TATDN2: variants seen among roughly 807,000 people sequenced by gnomAD.
The protein encoded by TATDN2 is 3'-5' RNA nuclease TATDN2.
In TATDN2, 44 loss-of-function variants were observed where a neutral mutation model predicts 60.3. The observed-to-expected ratio is 0.73, with a 90% CI of 0.57 to 0.94. The LOEUF (loss-of-function observed/expected upper bound fraction) is 0.94, where lower values mean the gene tolerates loss of function less well. TATDN2 is among the 40% of genes least tolerant of loss of function. TATDN2 has a pLI of 0.00. For synonymous variants in TATDN2, 399 were observed against 355.8 expected (o/e 1.12, Z -1.37); for missense variants, 997 against 948.0 (o/e 1.05, Z -0.68).
Position 10,260,505 on chromosome 3 carries a change from T to G in TATDN2, c.783T>G (p.Asp261Glu), listed in dbSNP as rs749968523. The G allele has an allele frequency of 8.7e-6, 14 of 1,613,910 alleles. No homozygotes were observed. The highest frequency in any genetic ancestry group is 6.6e-5 in the South Asian group (6 of 91,064). The part of the protein sequence containing the change: ...DATPEVSMEE[D>E]KTVPERSSFY... ...CCCCAGAGGTCAGCATGGAGGAGGA[T>G]AAGACAGTGCCAGAGAGGAGCAGCT... is the stretch of plus-strand genomic sequence containing the variant. The change falls in exon 3 of 8, where the codon GAT (aspartate) becomes GAG (glutamate). Residue 261 changes from aspartate (D) to glutamate (E), a missense_variant. By Grantham distance (45) the Asp-to-Glu change is conservative (BLOSUM62 2). Transcript: ENST00000448281.
In TATDN2 at chr3:10,249,026, A is replaced by C; in HGVS notation, c.-48A>C. On this transcript the variant is annotated 5_prime_UTR_variant, in exon 1 of 8. Transcript: ENST00000448281. ...CTCCAACACGGTTTGGCATCTCTGAAACCTTGAGAACTGTGATGGGCAGTG... is the reference window on the plus strand; with the variant it reads ...CTCCAACACGGTTTGGCATCTCTGACACCTTGAGAACTGTGATGGGCAGTG... 1.7e-5 allele frequency: 12 copies of C among 686,006 alleles called. No individual in the cohort carries two copies. Among genetic ancestry groups the C allele is most frequent in the Non-Finnish European group, 2.5e-5 (12 of 477,828 alleles). 42.5% of individuals were successfully genotyped at this position (686,006 alleles called of 1,614,324 possible).
intron 1 of TATDN2, 54 bp from the exon 2 acceptor site, chr3:10,249,141 G>GGT: frequency 6.7e-7 from 1 of 1,483,024 alleles, no homozygotes; most frequent in South Asian, 1.4e-5. Context: ...GGGAATCTGA[G>GGT]GTGGGGTCGC....
At chr3:10,254,172 A>G (rs1403372498) in intron 2 of TATDN2, among the ~76,000 whole-genome samples, 1 of 152,182 alleles carries the variant, frequency 6.6e-6, no homozygotes, top group Non-Finnish European at 1.5e-5. Flanking sequence ...GTTGCCAAGG[A>G]CAATCGGGCC....
At chr3:10,266,782 C>T (rs1698481023) in intron 3 of TATDN2, among the ~76,000 whole-genome samples, 1 of 152,164 alleles carries the variant, frequency 6.6e-6, no homozygotes, top group Admixed American at 6.5e-5. Context: ...TTTGTTCAAT[C>T]CATCTTTAGC....
chr3:10,252,922 TCTCGG>T (rs1214181718), intron 2 of TATDN2, among the ~76,000 whole-genome samples: 1 of 145,210 alleles, frequency 6.9e-6, no homozygotes, highest in African/African-American at 2.6e-5. Context: ...AGTGGTGCAA[TCTCGG>T]CTCACTGCAA....
In TATDN2 at chr3:10,278,616, CA is replaced by C. The variant is rs1227892219; in HGVS notation, c.2145+158del. The C allele has an allele frequency of 8.8e-6, 10 of 1,132,188 alleles. No individual in the cohort carries two copies. Among genetic ancestry groups the C allele is most frequent in the Non-Finnish European group, 1.2e-5 (9 of 764,250 alleles). 70.1% of individuals were successfully genotyped at this position (1,132,188 alleles called of 1,614,324 possible). ...CCTCCTTGCTGTTACTCTGCAGAAC[CA>C]AAAGTCTAGGGGGCTGAGAAGCTGA... On this transcript the variant is annotated intron_variant, in intron 6 of 7. Coordinates refer to ENST00000448281, the MANE Select transcript of TATDN2 (RefSeq NM_014760.4). The surrounding 1 kb of genome is among the most constrained non-coding windows in gnomAD (Gnocchi z 4.7).
chr3:10,270,870 G>C lies in TATDN2; in HGVS notation c.1688G>C (p.Cys563Ser). The change falls in exon 4 of 8, where the codon TGT (cysteine) becomes TCT (serine). Residue 563 changes from cysteine (C) to serine (S), a missense_variant. Coordinates refer to ENST00000448281, the MANE Select transcript of TATDN2 (RefSeq NM_014760.4). Reference protein sequence around the residue: ...KEDLVWGAFGCHPHFARYYSE... With the variant: ...KEDLVWGAFGSHPHFARYYSE... ...GATCTGGTCTGGGGGGCCTTTGGCTGTCACCCTCATTTTGCACGTTACTAC... is the reference window on the plus strand; with the variant it reads ...GATCTGGTCTGGGGGGCCTTTGGCTCTCACCCTCATTTTGCACGTTACTAC... The C allele has an allele frequency of 6.2e-7, 1 of 1,614,178 alleles. No individual in the cohort carries two copies. Among genetic ancestry groups the C allele is most frequent in the African/African-American group, 1.3e-5 (1 of 75,040 alleles).
intron 5 of TATDN2, among the ~76,000 whole-genome samples, chr3:10,276,813 TCCTGACCTCGTGATCTG>T (rs1698644922): frequency 6.6e-6 from 1 of 152,226 alleles, no homozygotes. Context: ...GGTCCCGAAC[TCCTGACCTCGTGATCTG>T]CCTGCCTCGG....
chr3:10,249,486 G>C lies in TATDN2; in HGVS notation c.286G>C (p.Ala96Pro). ...TTTCTTGGGCCCTGGTGTGGGCGGGGCCGCCTCCAAAGGCTGCCTGATTCG... is the reference window on the plus strand; with the variant it reads ...TTTCTTGGGCCCTGGTGTGGGCGGGCCCGCCTCCAAAGGCTGCCTGATTCG... ...PHFLGPGVGGAASKGCLIRNT... is the reference protein window; with the variant it reads ...PHFLGPGVGGPASKGCLIRNT... Residue 96 changes from alanine to proline, a missense_variant, in exon 2 of 8, where the codon GCC becomes CCC. Coordinates refer to ENST00000448281, the MANE Select transcript of TATDN2 (RefSeq NM_014760.4). 1 of 1,613,236 alleles carries C rather than the reference G, an allele frequency of 6.2e-7. No individual in the cohort carries two copies. The highest frequency in any genetic ancestry group is 2.2e-5 in the East Asian group (1 of 44,848).
Position 10,260,547 on chromosome 3 carries a change from A to G in TATDN2, c.825A>G (p.Val275=), listed in dbSNP as rs1484783731. The G allele has an allele frequency of 1.2e-6, 2 of 1,614,190 alleles. No individual in the cohort carries two copies. The highest frequency in any genetic ancestry group is 1.7e-6 in the Non-Finnish European group (2 of 1,180,026). The change falls in exon 3 of 8, where the codon GTA becomes GTG. Residue 275 remains valine (V), a synonymous_variant. Coordinates refer to ENST00000448281, the MANE Select transcript of TATDN2 (RefSeq NM_014760.4). ...PERSSFYDRR[V]VIDPQEKPSE... ...GGAGCAGCTTCTATGACAGGAGAGTAGTTATAGACCCTCAAGAGAAACCCA... is the reference window on the plus strand; with the variant it reads ...GGAGCAGCTTCTATGACAGGAGAGTGGTTATAGACCCTCAAGAGAAACCCA...
At chr3:10,272,115 C>CT (rs567383227) in intron 4 of TATDN2, among the ~76,000 whole-genome samples, 271 of 151,070 alleles carry the variant, frequency 1.8e-3, no homozygotes, top group Middle Eastern at 0.017. Context: ...AATTTCTTTT[C>CT]TTTTTTTTTC....
chr3:10,260,494 A>T lies in TATDN2; in HGVS notation c.772A>T (p.Met258Leu). 1.2e-6 allele frequency: 2 copies of T among 1,614,070 alleles called. No individual in the cohort carries two copies. The highest frequency in any genetic ancestry group is 1.7e-6 in the Non-Finnish European group (2 of 1,179,928). Residue 258 changes from methionine to leucine, a missense_variant, in exon 3 of 8, where the codon ATG (methionine) becomes TTG (leucine). Coordinates refer to ENST00000448281, the MANE Select transcript of TATDN2 (RefSeq NM_014760.4). ...KEKDATPEVS[M>L]EEDKTVPERS... ...GAAAGACGCAACCCCAGAGGTCAGC[A>T]TGGAGGAGGATAAGACAGTGCCAGA...
chr3:10,265,064 C>A (rs1237002534), intron 3 of TATDN2, among the ~76,000 whole-genome samples: 1 of 29,926 alleles, frequency 3.3e-5, no homozygotes, highest in Non-Finnish European at 6.3e-5. Context: ...TTTTTTATTG[C>A]TGCCAATTTT....
Position 10,271,022 on chromosome 3 carries a change from A to G in TATDN2, c.1833+7A>G. ...TGTCCCAGAACAGCACAAGGTAACA[A>G]GGCTCTCTTTAGTCTGCTTATAGTT... On this transcript the variant is annotated splice_region_variant and intron_variant, in intron 4 of 7. Transcript: ENST00000448281. 5 of 1,547,328 alleles carry G rather than the reference A, an allele frequency of 3.2e-6. No homozygotes were observed. In the South Asian group the frequency reaches 6.2e-5, roughly 19 times the overall value.
chr3:10,258,469 GCTT>G (rs1289635297), intron 2 of TATDN2, among the ~76,000 whole-genome samples: 2 of 149,326 alleles, frequency 1.3e-5, no homozygotes, highest in South Asian at 2.2e-4. Context: ...TTTTTATTTT[GCTT>G]CTTTTTTTTT....
In TATDN2 at chr3:10,276,405, C is replaced by G. The variant is rs1267010997; in HGVS notation, c.1878C>G (p.Pro626=). 27 of 1,613,860 alleles carry G rather than the reference C, an allele frequency of 1.7e-5. No individual in the cohort carries two copies. Among genetic ancestry groups the G allele is most frequent in the Non-Finnish European group, 2.2e-5 (26 of 1,179,964 alleles). ...AGCTGGCTGTGTCTCTAAAGAAGCC[C>G]TTGGTGATCCACTGCCGAGAAGCTG... ...QLQLAVSLKK[P]LVIHCREADE... The change falls in exon 5 of 8, where the codon CCC becomes CCG. Residue 626 remains proline, a synonymous_variant. Coordinates refer to ENST00000448281, the MANE Select transcript of TATDN2 (RefSeq NM_014760.4).
At chr3:10,271,080 A>G (rs1369380668) in intron 4 of TATDN2, 65 bp downstream of exon 4, 70 of 1,490,614 alleles carry the variant, frequency 4.7e-5, no homozygotes, top group Non-Finnish European at 5.9e-5. Context: ...AAGCCTGACA[A>G]TAAGGGTTTA....
chr3:10,264,736 T>C (rs1351554784), intron 3 of TATDN2, among the ~76,000 whole-genome samples: 1 of 151,896 alleles, frequency 6.6e-6, no homozygotes, highest in Non-Finnish European at 1.5e-5. Flanking sequence ...TGGAGTGCAA[T>C]GGCTTGGTCT....
At position 10,260,712 on chromosome 3, in the gene TATDN2, TTGA is replaced by T. The variant is rs1383244158; in HGVS notation, c.948+46_948+48del. ...CCAGGCATCTGACTTTTTAGTTCTG[TTGA>T]TGAAATGTGTTCCATCTTTCTAGTT... On this transcript the variant is annotated intron_variant, in intron 3 of 7. Coordinates refer to ENST00000448281, the MANE Select transcript of TATDN2 (RefSeq NM_014760.4). 3 of 1,571,696 alleles carry T rather than the reference TTGA, an allele frequency of 1.9e-6. No individual in the cohort carries two copies. The African/African-American group carries it at 4.1e-5, about 21-fold the overall frequency.
Sources: gnomAD v4.1 joint callset for allele counts (sites outside exome capture counted in the v4.1 genomes callset) on GRCh38, gnomAD v4.1.1 for gene constraint, Gnocchi (gnomAD v3.1) non-coding constraint, MANE v1.5 for transcripts, NCBI Gene and HGNC (gene_info 2026-07-23, HGNC 2026-07-21) for gene names.